The following CENPP variants were observed in gnomAD, a reference collection of about 807,000 sequenced individuals.
CENPP encodes the protein centromere protein P.
In CENPP, 24 loss-of-function variants were observed where a neutral mutation model predicts 35.6. That is an observed-to-expected ratio of 0.67 (90% CI 0.49 to 0.95). The LOEUF (loss-of-function observed/expected upper bound fraction) is 0.95. Among genes scored for constraint, CENPP ranks in the 40% least tolerant of loss-of-function variants. The pLI, the probability that CENPP is intolerant of heterozygous loss-of-function variation, is 0.00. For synonymous variants in CENPP, 120 were observed against 125.5 expected (o/e 0.96, Z 0.29); for missense variants, 332 against 345.3 (o/e 0.96, Z 0.31).
chr9:92,347,903 T>G (rs923760283), intron 4 of CENPP, among the ~76,000 whole-genome samples: 4 of 152,108 alleles, frequency 2.6e-5, no homozygotes, highest in African/African-American at 9.7e-5. Context: ...TTAAAGCAAT[T>G]AAAAATAAGA....
At chr9:92,440,265 T>G (rs1446773170) in intron 5 of CENPP, among the ~76,000 whole-genome samples, 2 of 152,016 alleles carry the variant, frequency 1.3e-5, no homozygotes, top group Non-Finnish European at 2.9e-5. Context: ...GTCTTTTGGC[T>G]TCCCTGGGCC....
At chr9:92,567,878 A>C (rs1233177268) in intron 5 of CENPP, among the ~76,000 whole-genome samples, 1 of 152,152 alleles carries the variant, frequency 6.6e-6, no homozygotes, top group Non-Finnish European at 1.5e-5. Flanking sequence ...AAAGGAGCTT[A>C]AATACCTCAC....
intron 5 of CENPP, chr9:92,385,494 AATATT>A: frequency 2.5e-6 from 2 of 815,008 alleles, no homozygotes. Flanking sequence ...CCTTGCTTAA[AATATT>A]AAATTCCTTC....
At chr9:92,576,422 G>A (rs1282034602) in intron 5 of CENPP, among the ~76,000 whole-genome samples, 2 of 152,120 alleles carry the variant, frequency 1.3e-5, no homozygotes, top group South Asian at 4.1e-4. Context: ...ATGGACAGTG[G>A]TGATGGTTGC....
chr9:92,344,782 C>A (rs868088632), intron 3 of CENPP, among the ~76,000 whole-genome samples: 2 of 150,552 alleles, frequency 1.3e-5, no homozygotes, highest in Non-Finnish European at 3.0e-5. Context: ...CTCCTAACCT[C>A]AGGTGATTCA....
chr9:92,469,929 A>G (rs574042918), intron 5 of CENPP, among the ~76,000 whole-genome samples: 4 of 152,318 alleles, frequency 2.6e-5, no homozygotes, highest in South Asian at 4.1e-4. Context: ...GTGCAGTGGC[A>G]TAGTCACAGC....
At chr9:92,535,293 G>C (rs1047797073) in intron 5 of CENPP, among the ~76,000 whole-genome samples, 3 of 152,062 alleles carry the variant, frequency 2.0e-5, no homozygotes, top group African/African-American at 7.2e-5. Context: ...TATTTTCATT[G>C]ATATACAGAA....
chr9:92,399,821 G>A (rs1355319313), intron 5 of CENPP, among the ~76,000 whole-genome samples: 1 of 152,008 alleles, frequency 6.6e-6, no homozygotes, highest in Non-Finnish European at 1.5e-5. Flanking sequence ...GTGTATTTTT[G>A]TCTGTTTCTG....
At chr9:92,385,978 G>A (rs957416278) in intron 5 of CENPP, among the ~76,000 whole-genome samples, 5 of 152,198 alleles carry the variant, frequency 3.3e-5, no homozygotes, top group East Asian at 3.8e-4. Context: ...GACTTCACAC[G>A]TACTGTGCTG....
chr9:92,527,856 A>G (rs1848510973), intron 5 of CENPP: 1 of 154,180 alleles, frequency 6.5e-6, no homozygotes. Context: ...TTCTGCATAC[A>G]GTATATCACC....
At chr9:92,533,328 A>AAT (rs202147064) in intron 5 of CENPP, among the ~76,000 whole-genome samples, 2,272 of 38,294 alleles carry the variant, frequency 0.059, 120 homozygotes, top group African/African-American at 0.076. Flanking sequence ...AAAAAAAAAA[A>AAT]ATATATATAT....
intron 5 of CENPP, among the ~76,000 whole-genome samples, chr9:92,583,489 T>G (rs1307244163): frequency 6.6e-6 from 1 of 152,238 alleles, no homozygotes; most frequent in Non-Finnish European, 1.5e-5. Context: ...TTGTAAATGC[T>G]TACAGGAATC....
intron 5 of CENPP, chr9:92,511,943 C>A: frequency 8.3e-7 from 1 of 1,206,452 alleles, no homozygotes; most frequent in East Asian, 2.4e-5. Flanking sequence ...CTCCCTTCCC[C>A]ATCTCCAACC....
At chr9:92,548,446 A>C (rs1563998740) in intron 5 of CENPP, among the ~76,000 whole-genome samples, 1 of 152,222 alleles carries the variant, frequency 6.6e-6, no homozygotes, top group Non-Finnish European at 1.5e-5. Flanking sequence ...ACTTGCCAGG[A>C]TATTAAAGAT....
At chr9:92,430,867 C>T (rs574425538) in intron 5 of CENPP, among the ~76,000 whole-genome samples, 1 of 152,262 alleles carries the variant, frequency 6.6e-6, no homozygotes, top group African/African-American at 2.4e-5. Context: ...ACGATCTCGG[C>T]TCACTGCACC....
chr9:92,617,340 A>G lies in CENPP; in HGVS notation c.*4191A>G, dbSNP rs1851471652. 1 of 152,262 alleles carries G rather than the reference A, an allele frequency of 6.6e-6. No homozygotes were observed. Among genetic ancestry groups the G allele is most frequent in the Non-Finnish European group, 1.5e-5 (1 of 68,108 alleles). The allele number at this position is 152,262 out of a possible 1,614,324, so 9.4% of individuals were successfully genotyped here. A position where few individuals can be genotyped will look rare whatever the true frequency, so the allele number is the denominator to read the frequency against. ...TTTAAAGGACACCCCAATTTCTCAG[A>G]AGCAGCACCTGACAAGACCATGGGT... is the stretch of plus-strand genomic sequence containing the variant. On this transcript the variant is annotated 3_prime_UTR_variant, in exon 8 of 8. Transcript: ENST00000375587.
intron 5 of CENPP, chr9:92,502,512 C>T (rs772840145): frequency 2.5e-6 from 4 of 1,612,088 alleles, no homozygotes; most frequent in Non-Finnish European, 3.4e-6. Context: ...CATGTACTTA[C>T]TCTTGATTTA....
chr9:92,542,707 A>G (rs888342292), intron 5 of CENPP, among the ~76,000 whole-genome samples: 1 of 152,094 alleles, frequency 6.6e-6, no homozygotes, highest in African/African-American at 2.4e-5. Context: ...AGTAGAGACA[A>G]GGTTTCAGCA....
rs1241816866 is a variant in CENPP, at chr9:92,420,689, C to T, written c.564+40830C>T. The stretch of plus-strand genomic sequence containing the variant: ...AATAGGATCAAGATATCATTTATTT[C>T]TATTTTCTTATATGTATCCCTACCT... On this transcript the variant is annotated intron_variant, in intron 5 of 7. Transcript: ENST00000375587. Among the ~76,000 whole-genome samples, 7 of 151,620 alleles carry T rather than the reference C, an allele frequency of 4.6e-5. No individual in the cohort carries two copies. The East Asian group carries it at 1.4e-3, about 29-fold the overall frequency.
Sources: allele counts gnomAD v4.1 joint callset (sites outside exome capture counted in the v4.1 genomes callset), GRCh38; gene constraint gnomAD v4.1.1; transcripts MANE v1.5; gene names NCBI Gene and HGNC (gene_info 2026-07-23, HGNC 2026-07-21).